ANXA8: variants seen among roughly 807,000 people sequenced by gnomAD.
ANXA8 encodes the protein annexin A8.
Under a neutral mutation model 26.8 loss-of-function variants are expected in ANXA8, and 9 were observed. The ratio of observed to expected loss-of-function variants is 0.34; its 90% CI spans 0.20 to 0.59. The LOEUF (loss-of-function observed/expected upper bound fraction) is 0.59. Ranked by LOEUF, ANXA8 falls within the 20% of genes least tolerant of loss-of-function variation. The pLI is 0.84. For missense variants in ANXA8, 83 were observed against 238.5 expected, an observed-to-expected ratio of 0.35 and a Z score of 4.29; for synonymous variants, 39 against 94.8, an observed-to-expected ratio of 0.41 and a Z score of 3.42.
At position 47,482,050 on chromosome 10, in the gene ANXA8, C is replaced by T. The variant is rs1439111188; in HGVS notation, c.21+1863G>A. ...GAGAGACACAGAGGAAAAGGCAACA[C>T]CAAAAAGAGAGGTGCAGATGGACCC... On this transcript the variant is annotated intron_variant, in intron 1 of 11. Coordinates refer to ENST00000585281, the MANE Select transcript of ANXA8 (RefSeq NM_001040084.3). Among the ~76,000 whole-genome samples, 285 of 141,350 alleles carry T rather than the reference C, an allele frequency of 2.0e-3. 15 individuals carry two copies. Among genetic ancestry groups the T allele is most frequent in the African/African-American group, 6.9e-3 (266 of 38,472 alleles). 92.7% of individuals were successfully genotyped at this position (141,350 alleles called of 152,430 possible). A position where few individuals can be genotyped will look rare whatever the true frequency, so the allele number is the denominator to read the frequency against.
At chr10:47,572,625 G>A in the ANXA8 span, among the ~76,000 whole-genome samples, 1 of 149,072 alleles carries the variant, frequency 6.7e-6, no homozygotes, top group Non-Finnish European at 1.5e-5. Flanking sequence ...GCTAAGGGAG[G>A]AGAATTGCTT....
the ANXA8 span, among the ~76,000 whole-genome samples, chr10:47,968,176 T>C: frequency 1.3e-4 from 20 of 149,102 alleles, no homozygotes; most frequent in Non-Finnish European, 2.3e-4. Flanking sequence ...CACAAATCTG[T>C]CGTAACCTGT....
the ANXA8 span, among the ~76,000 whole-genome samples, chr10:47,671,069 A>G: frequency 1.3e-5 from 2 of 151,908 alleles, no homozygotes; most frequent in Non-Finnish European, 1.5e-5. Flanking sequence ...AGTTACACCA[A>G]TAACCACAGT....
At chr10:47,628,394 A>G in the ANXA8 span, among the ~76,000 whole-genome samples, 1 of 151,668 alleles carries the variant, frequency 6.6e-6, no homozygotes, top group African/African-American at 2.4e-5. Context: ...AAACATTTTT[A>G]TAATCACAAT....
At chr10:47,914,960 CT>C in the ANXA8 span, among the ~76,000 whole-genome samples, 1 of 152,284 alleles carries the variant, frequency 6.6e-6, no homozygotes, top group African/African-American at 2.4e-5. Flanking sequence ...TGTTGATTTC[CT>C]AAATGTGTGA....
the ANXA8 span, among the ~76,000 whole-genome samples, chr10:47,609,159 G>T: frequency 4.0e-4 from 58 of 143,912 alleles, 2 homozygotes; most frequent in East Asian, 0.01. Context: ...TGCCCATAAT[G>T]CTTTATTTCA....
chr10:47,671,042 C>T, the ANXA8 span, among the ~76,000 whole-genome samples: 9 of 151,708 alleles, frequency 5.9e-5, no homozygotes, highest in African/African-American at 1.9e-4. Flanking sequence ...AAATGTGGTC[C>T]CAGCAGAAGT....
At chr10:47,687,512 G>A in the ANXA8 span, among the ~76,000 whole-genome samples, 338 of 151,718 alleles carry the variant, frequency 2.2e-3, 5 homozygotes, top group East Asian at 0.018. Context: ...TGATCCTCCC[G>A]CTTCGGCCTC....
chr10:47,570,336 A>C, the ANXA8 span, among the ~76,000 whole-genome samples: 1 of 57,162 alleles, frequency 1.7e-5, no homozygotes, highest in African/African-American at 5.2e-5. Context: ...TAGAATGTTA[A>C]TAGTTACTTA....
the ANXA8 span, among the ~76,000 whole-genome samples, chr10:47,989,389 A>G: frequency 8.3e-6 from 1 of 119,832 alleles, no homozygotes; most frequent in African/African-American, 2.9e-5. Context: ...CCTGAGGAGC[A>G]TGCAGTCCCG....
chr10:47,510,662 C>T, the ANXA8 span, among the ~76,000 whole-genome samples: 1 of 119,140 alleles, frequency 8.4e-6, no homozygotes, highest in Non-Finnish European at 1.7e-5. Flanking sequence ...AACCCCGTCT[C>T]TACTAAAAAT....
At chr10:47,733,321 C>CCTCTCT in the ANXA8 span, among the ~76,000 whole-genome samples, 1 of 76,376 alleles carries the variant, frequency 1.3e-5, no homozygotes, top group Non-Finnish European at 2.6e-5. Flanking sequence ...TCTCCCTCTC[C>CCTCTCT]CTCTCTCTCT....
chr10:47,776,187 A>G, the ANXA8 span, among the ~76,000 whole-genome samples: 3 of 151,166 alleles, frequency 2.0e-5, no homozygotes. Context: ...GGACTTTTCA[A>G]TTCTGGTTCA....
chr10:47,966,635 G>A, the ANXA8 span, among the ~76,000 whole-genome samples: 1 of 147,738 alleles, frequency 6.8e-6, no homozygotes, highest in Non-Finnish European at 1.5e-5. Flanking sequence ...GACATGTCCA[G>A]TGTCCTGGCC....
At chr10:47,646,012 C>T in the ANXA8 span, among the ~76,000 whole-genome samples, 2 of 149,016 alleles carry the variant, frequency 1.3e-5, no homozygotes, top group Non-Finnish European at 2.9e-5. Context: ...GAGCCAATTC[C>T]TCCCAAGAAT....
the ANXA8 span, among the ~76,000 whole-genome samples, chr10:47,743,283 C>CATAT: frequency 2.4e-5 from 2 of 81,988 alleles, no homozygotes; most frequent in African/African-American, 8.6e-5. Flanking sequence ...TATATACACA[C>CATAT]ATATATATAT....
the ANXA8 span, among the ~76,000 whole-genome samples, chr10:47,739,006 A>G: frequency 4.6e-5 from 7 of 151,296 alleles, no homozygotes; most frequent in East Asian, 1.9e-4. Context: ...TTAAATTCCA[A>G]CCTCATTTTG....
chr10:47,657,018 C>T, the ANXA8 span, among the ~76,000 whole-genome samples: 1 of 148,452 alleles, frequency 6.7e-6, no homozygotes, highest in Non-Finnish European at 1.5e-5. Context: ...TAACTTGGTT[C>T]TCTGTTGACA....
the ANXA8 span, among the ~76,000 whole-genome samples, chr10:47,627,468 T>C: frequency 2.0e-5 from 3 of 150,108 alleles, no homozygotes; most frequent in East Asian, 1.9e-4. Flanking sequence ...ACTGCCAAGA[T>C]TCCACTGACT....
Sources: gnomAD v4.1 joint callset for allele counts (sites outside exome capture counted in the v4.1 genomes callset) on GRCh38, gnomAD v4.1.1 for gene constraint, MANE v1.5 for transcripts, NCBI Gene and HGNC (gene_info 2026-07-23, HGNC 2026-07-21) for gene names.